HK1: variants seen among roughly 807,000 people sequenced by gnomAD.
HK1 encodes the protein hexokinase 1.
Under a neutral mutation model 91.6 loss-of-function variants are expected in HK1, and 28 were observed. The observed-to-expected ratio is 0.31, with a 90% CI of 0.23 to 0.42. HK1 has a LOEUF of 0.42. Among genes scored for constraint, HK1 ranks in the 10% least tolerant of loss-of-function variants. HK1 has a pLI of 1.00. For missense variants in HK1, 770 were observed against 1,219.8 expected (o/e 0.63, Z 5.49); for synonymous variants, 430 against 468.1 (o/e 0.92, Z 1.05).
At chr10:69,342,194 CAA>C (rs1554816851) in intron 1 of HK1, among the ~76,000 whole-genome samples, 4 of 147,010 alleles carry the variant, frequency 2.7e-5, no homozygotes, top group Admixed American at 1.4e-4. Flanking sequence ...AACAAACAAA[CAA>C]AGGAAAAAAC....
intron 4 of HK1, chr10:69,296,302 G>A (rs1455154390): frequency 6.5e-6 from 1 of 154,484 alleles, no homozygotes; most frequent in East Asian, 1.9e-4. Context: ...GAATCAGCTT[G>A]GGAGAAAAGC....
At chr10:69,293,870 T>C (rs1376696686) in intron 3 of HK1, among the ~76,000 whole-genome samples, 3 of 145,434 alleles carry the variant, frequency 2.1e-5, no homozygotes, top group Admixed American at 1.4e-4. Context: ...TTTTTTTTTT[T>C]TTTTTTTTTG....
At chr10:69,289,956 C>T (rs1845222185) in intron 3 of HK1, among the ~76,000 whole-genome samples, 1 of 151,994 alleles carries the variant, frequency 6.6e-6, no homozygotes, top group African/African-American at 2.4e-5. Context: ...AGCTTTGATT[C>T]TCCCCCTGGA....
rs563484917 is a variant in HK1, at chr10:69,304,599, C to A, written c.27+3738C>A. Among the ~76,000 whole-genome samples, 6 of 152,350 alleles carry A rather than the reference C, an allele frequency of 3.9e-5. No individual in the cohort carries two copies. In the South Asian group the frequency reaches 8.3e-4, roughly 21 times the overall value. On this transcript the variant is annotated intron_variant, in intron 5 of 21. Transcript: ENST00000360289. ...CTAGGATTACAGGCGTGAGCCACTG[C>A]GCTCAGCCTCATCTTTGTTTTAAAC... is the stretch of plus-strand genomic sequence containing the variant.
intron 15 of HK1, among the ~76,000 whole-genome samples, chr10:69,393,534 T>C (rs1415316691): frequency 1.3e-5 from 2 of 152,090 alleles, no homozygotes; most frequent in Non-Finnish European, 2.9e-5. Context: ...TGACCTCAGG[T>C]GATTGGCCCG....
At chr10:69,376,620 T>TAAA (rs1290943510) in intron 7 of HK1, among the ~76,000 whole-genome samples, 5 of 152,246 alleles carry the variant, frequency 3.3e-5, no homozygotes, top group Non-Finnish European at 7.3e-5. Flanking sequence ...ATCTGGGGCC[T>TAAA]TCTTGACATC....
intron 1 of HK1, among the ~76,000 whole-genome samples, chr10:69,335,298 C>G (rs1055351273): frequency 6.6e-6 from 1 of 152,214 alleles, no homozygotes. Context: ...GTTGAACTTC[C>G]TTCCCAGACT....
At chr10:69,341,429 G>C (rs1054440733) in intron 1 of HK1, among the ~76,000 whole-genome samples, 43 of 151,648 alleles carry the variant, frequency 2.8e-4, no homozygotes, top group Admixed American at 2.4e-3. Flanking sequence ...CCAAAGTGTT[G>C]GGATTACAGG....
At position 69,369,697 on chromosome 10, in the gene HK1, G is replaced by A; in HGVS notation, c.875+73G>A. The A allele has an allele frequency of 7.3e-7, 1 of 1,368,880 alleles. No individual in the cohort carries two copies. The highest frequency in any genetic ancestry group is 1.0e-6 in the Non-Finnish European group (1 of 974,902). The allele number at this position is 1,368,880 out of a possible 1,614,324, so 84.8% of individuals were successfully genotyped here. A position where few individuals can be genotyped will look rare whatever the true frequency, so the allele number is the denominator to read the frequency against. On this transcript the variant is annotated intron_variant, in intron 7 of 17. Transcript: ENST00000359426. The surrounding 1 kb of genome is among the most constrained non-coding windows in gnomAD (Gnocchi z 4.4). The stretch of plus-strand genomic sequence containing the variant: ...ATTTGATGAAAGATTTGGGATGGGA[G>A]ATGAAAAGGGCATAAAGCCAAGTGA...
chr10:69,337,042 C>G (rs1240532776), intron 1 of HK1, among the ~76,000 whole-genome samples: 1 of 152,170 alleles, frequency 6.6e-6, no homozygotes, highest in East Asian at 1.9e-4. Context: ...TTGATGCTTA[C>G]TTTGTTTCTG....
At chr10:69,371,323 C>CCA (rs1554821977) in intron 7 of HK1, among the ~76,000 whole-genome samples, 8 of 149,058 alleles carry the variant, frequency 5.4e-5, no homozygotes, top group African/African-American at 2.0e-4. Context: ...CATACCCCCC[C>CCA]CCACCCCGCC....
chr10:69,389,157 G>T, intron 13 of HK1, 40 bp from the exon 14 acceptor site: 1 of 1,502,236 alleles, frequency 6.7e-7, no homozygotes, highest in Non-Finnish European at 9.3e-7. Flanking sequence ...GCCAGGCATA[G>T]TGATCCTATT....
chr10:69,310,031 C>T lies in HK1; in HGVS notation c.27+9170C>T, dbSNP rs188597257. Among the ~76,000 whole-genome samples the T allele has an allele frequency of 9.7e-4, 132 of 136,070 alleles. No individual in the cohort carries two copies. In the Middle Eastern group the frequency reaches 0.013, roughly 13 times the overall value. 89.3% of individuals were successfully genotyped at this position (136,070 alleles called of 152,430 possible). The stretch of plus-strand genomic sequence containing the variant: ...CGCTACTGCACTCCAGCCTAGGCAA[C>T]AAGAGCGAAACTCCATCTCATAAAA... On this transcript the variant is annotated intron_variant, in intron 5 of 21. Transcript: ENST00000360289.
chr10:69,376,270 G>C (rs1333980371), intron 7 of HK1, among the ~76,000 whole-genome samples: 2 of 152,144 alleles, frequency 1.3e-5, no homozygotes, highest in African/African-American at 4.8e-5. Context: ...TACAAGCCAG[G>C]TGCTGTAGCT....
rs201893778 is a variant in HK1, at chr10:69,343,847, C to T, written c.84C>T (p.Ala28=). The stretch of plus-strand genomic sequence containing the variant: ...TCCAGATTGACAAGTATCTCTATGC[C>T]ATGCGGCTCTCCGATGAAACTCTCA... The part of the protein sequence containing the change: ...QVKKIDKYLY[A]MRLSDETLID... The change falls in exon 2 of 18, where the codon GCC becomes GCT. Residue 28 remains alanine, a synonymous_variant. Transcript: ENST00000359426. 26 of 1,613,674 alleles carry T rather than the reference C, an allele frequency of 1.6e-5. No individual in the cohort carries two copies. The highest frequency in any genetic ancestry group is 2.0e-5 in the Non-Finnish European group (24 of 1,179,622).
At chr10:69,285,413 G>A (rs1445871167) in intron 2 of HK1, among the ~76,000 whole-genome samples, 1 of 152,106 alleles carries the variant, frequency 6.6e-6, no homozygotes, top group African/African-American at 2.4e-5. Flanking sequence ...GACAGAGAGA[G>A]ATTCCATCTC....
upstream of HK1, chr10:69,318,810 G>T: frequency 1.4e-6 from 2 of 1,402,228 alleles, no homozygotes; most frequent in African/African-American, 1.5e-5. Flanking sequence ...CTGTCGCCGC[G>T]CCCCGGGCCG....
intron 10 of HK1, among the ~76,000 whole-genome samples, 181 bp downstream of exon 10, chr10:69,382,972 C>T (rs1405145918): frequency 6.6e-6 from 1 of 152,174 alleles, no homozygotes; most frequent in Non-Finnish European, 1.5e-5. Flanking sequence ...ATGTGTGTGA[C>T]TCAGGGCAGT....
intron 4 of HK1, chr10:69,295,787 T>C: frequency 1.3e-6 from 1 of 773,100 alleles, no homozygotes; most frequent in Non-Finnish European, 2.3e-6. Flanking sequence ...CAAGCAGCTG[T>C]GCAGTGGCTT....
Sources: allele counts gnomAD v4.1 joint callset (sites outside exome capture counted in the v4.1 genomes callset), GRCh38; gene constraint gnomAD v4.1.1; non-coding constraint Gnocchi (gnomAD v3.1); transcripts MANE v1.5; gene names NCBI Gene and HGNC (gene_info 2026-07-23, HGNC 2026-07-21).